GOLGA8A: variants seen among roughly 807,000 people sequenced by gnomAD.
The protein encoded by GOLGA8A is golgin subfamily A member 8A.
GOLGA8A carries 3 observed loss-of-function variants against 22.1 expected under a neutral mutation model. That is an observed-to-expected ratio of 0.14 (90% CI 0.06 to 0.35). GOLGA8A has a LOEUF of 0.35. Ranked by LOEUF, GOLGA8A falls within the 10% of genes least tolerant of loss-of-function variation. The pLI is 1.00. For synonymous variants in GOLGA8A, 7 were observed against 91.7 expected (o/e 0.08, Z 5.28); for missense variants, 16 against 233.2 (o/e 0.07, Z 6.07).
At chr15:34,417,834 C>G (rs1397559190) in intron 2 of GOLGA8A, 1 of 145,786 alleles carries the variant, frequency 6.9e-6, no homozygotes, top group Non-Finnish European at 1.5e-5. Context: ...TTTTTGCCCC[C>G]CATGGGATGT....
rs142598300 is a variant in GOLGA8A at position 34,380,185 on chromosome 15, A to T, written c.*1226T>A. 1.7e-3 allele frequency: 258 copies of T among 152,396 alleles called. 3 individuals are homozygous for T. Among genetic ancestry groups the T allele is most frequent in the African/African-American group, 5.9e-3 (245 of 41,596 alleles). 9.4% of individuals were successfully genotyped at this position (152,396 alleles called of 1,614,324 possible). ...AAAGTGTTTTCCACTCAAGGAAAAG[A>T]AGTAAATTCCTATGTCAGAGTAACC... On this transcript the variant is annotated 3_prime_UTR_variant, in exon 25 of 25. Transcript: ENST00000359187.
At chr15:34,432,885 A>G (rs200326479) in intron 2 of GOLGA8A, among the ~76,000 whole-genome samples, 1 of 149,020 alleles carries the variant, frequency 6.7e-6, no homozygotes, top group South Asian at 2.2e-4. Context: ...TCCCAGGACA[A>G]TAAGAGAAGC....
At chr15:34,421,398 A>G (rs1892792125) in intron 2 of GOLGA8A, among the ~76,000 whole-genome samples, 1 of 142,118 alleles carries the variant, frequency 7.0e-6, no homozygotes, top group Non-Finnish European at 1.5e-5. Context: ...TCTGCTCTGT[A>G]TAAAAGACTG....
chr15:34,437,431 C>G lies in GOLGA8A; in HGVS notation c.-1245G>C, dbSNP rs1893588415. The G allele has an allele frequency of 7.2e-6, 1 of 139,748 alleles. No homozygotes were observed. The highest frequency in any genetic ancestry group is 2.6e-5 in the African/African-American group (1 of 38,400). The allele number at this position is 139,748 out of a possible 1,614,324, so 8.7% of individuals were successfully genotyped here. ...GGCGCGGGGCTGCCCCGGTCCGCCG[C>G]CGTCCTCGCCGCGCCGCCGTCCTCG... On this transcript the variant is annotated 5_prime_UTR_variant, in exon 1 of 25. Transcript: ENST00000359187.
intron 12 of GOLGA8A, among the ~76,000 whole-genome samples, chr15:34,386,140 A>G (rs1418150137): frequency 1.4e-5 from 2 of 148,018 alleles, no homozygotes; most frequent in African/African-American, 5.3e-5. Flanking sequence ...CACAGCCGAT[A>G]TAGGATGGAA....
At position 34,437,443 on chromosome 15, in the gene GOLGA8A, C is replaced by G. The variant is rs1445615547; in HGVS notation, c.-1257G>C. 7.2e-6 allele frequency: 1 copy of G among 138,350 alleles called. No homozygotes were observed. Among genetic ancestry groups the G allele is most frequent in the Non-Finnish European group, 1.6e-5 (1 of 62,718 alleles). 8.6% of individuals were successfully genotyped at this position (138,350 alleles called of 1,614,324 possible). On this transcript the variant is annotated 5_prime_UTR_variant, in exon 1 of 25. Coordinates refer to ENST00000359187, the MANE Select transcript of GOLGA8A (RefSeq NM_181077.5). The stretch of plus-strand genomic sequence containing the variant: ...CCCCGGTCCGCCGCCGTCCTCGCCG[C>G]GCCGCCGTCCTCGCCGCGCCGCCGT...
intron 2 of GOLGA8A, among the ~76,000 whole-genome samples, chr15:34,434,691 C>G (rs1187130026): frequency 6.7e-6 from 1 of 149,274 alleles, no homozygotes; most frequent in Non-Finnish European, 1.5e-5. Context: ...ACAATGAGCA[C>G]CCCCAGCCCC....
intron 1 of GOLGA8A, among the ~76,000 whole-genome samples, chr15:34,436,166 G>C (rs1324327655): frequency 1.3e-5 from 2 of 149,242 alleles, no homozygotes; most frequent in East Asian, 3.9e-4. Flanking sequence ...AGAGGCCTGA[G>C]AAAAAGCCAC....
At chr15:34,423,514 C>T (rs1353644203) in intron 2 of GOLGA8A, among the ~76,000 whole-genome samples, 1 of 148,452 alleles carries the variant, frequency 6.7e-6, no homozygotes, top group Non-Finnish European at 1.5e-5. Flanking sequence ...ATAACAAAAT[C>T]TAACCTAGCA....
Position 34,437,728 on chromosome 15 carries a change from T to C in GOLGA8A, c.-1542A>G, listed in dbSNP as rs1374925528. Among the ~76,000 whole-genome samples, 2 of 143,478 alleles carry C rather than the reference T, an allele frequency of 1.4e-5. No individual in the cohort carries two copies. Among genetic ancestry groups the C allele is most frequent in the Admixed American group, 7.0e-5 (1 of 14,188 alleles). 94.1% of individuals were successfully genotyped at this position (143,478 alleles called of 152,430 possible). A position where few individuals can be genotyped will look rare whatever the true frequency, so the allele number is the denominator to read the frequency against. On this transcript the variant is annotated 5_prime_UTR_variant, in exon 1 of 25. Transcript: ENST00000359187. ...CCGTCCTCGCCGCGCCGCTGCCGGG[T>C]CTCTCCCGGGGGCTGAGCTCCCGCA...
At chr15:34,383,695 AG>A in intron 18 of GOLGA8A, 50 bp downstream of exon 18, 1 of 152,444 alleles carries the variant, frequency 6.6e-6, no homozygotes, top group Non-Finnish European at 1.1e-5. Flanking sequence ...ACCTATCTTA[AG>A]TTGTTGGTGG....
intron 2 of GOLGA8A, among the ~76,000 whole-genome samples, chr15:34,421,847 A>C (rs1195546029): frequency 7.3e-6 from 1 of 137,302 alleles, no homozygotes; most frequent in Non-Finnish European, 1.6e-5. Flanking sequence ...CTCTTCTCCC[A>C]CCAGGGCTGG....
At chr15:34,430,727 C>T (rs962041379) in intron 2 of GOLGA8A, among the ~76,000 whole-genome samples, 1 of 149,796 alleles carries the variant, frequency 6.7e-6, no homozygotes, top group Admixed American at 6.7e-5. Context: ...AGAACAGTTG[C>T]ACACATCTCA....
intron 2 of GOLGA8A, among the ~76,000 whole-genome samples, chr15:34,431,846 T>C (rs919447117): frequency 4.0e-5 from 6 of 149,068 alleles, no homozygotes; most frequent in East Asian, 3.9e-4. Context: ...TTTACCACAA[T>C]GTCACTAGGC....
rs1408934417 is a variant in GOLGA8A, at chr15:34,380,899, T to C, written c.*512A>G. The C allele has an allele frequency of 3.1e-5, 7 of 225,198 alleles. No homozygotes were observed. The highest frequency in any genetic ancestry group is 6.2e-5 in the Non-Finnish European group (7 of 113,326). The allele number at this position is 225,198 out of a possible 1,614,324, so 13.9% of individuals were successfully genotyped here. A position where few individuals can be genotyped will look rare whatever the true frequency, so the allele number is the denominator to read the frequency against. Reference sequence around the variant, plus strand: ...CTAAATGTCAGTACTCACAGTGGCATATTACAAAGTAATAAACAGTGCACA... The same window carrying C: ...CTAAATGTCAGTACTCACAGTGGCACATTACAAAGTAATAAACAGTGCACA... On this transcript the variant is annotated 3_prime_UTR_variant, in exon 25 of 25. Transcript: ENST00000359187.
intron 1 of GOLGA8A, among the ~76,000 whole-genome samples, chr15:34,435,691 C>G (rs1893471896): frequency 6.7e-6 from 1 of 148,706 alleles, no homozygotes. Context: ...TCTCCCAGCC[C>G]AAGAGCCAGA....
intron 2 of GOLGA8A, among the ~76,000 whole-genome samples, chr15:34,432,931 G>C (rs533608001): frequency 6.7e-6 from 1 of 148,622 alleles, no homozygotes; most frequent in East Asian, 2.0e-4. Flanking sequence ...AAAATATCTC[G>C]CATCAGTTCA....
At chr15:34,430,539 G>C (rs1397098979) in intron 2 of GOLGA8A, among the ~76,000 whole-genome samples, 2 of 149,072 alleles carry the variant, frequency 1.3e-5, no homozygotes, top group African/African-American at 5.0e-5. Flanking sequence ...GGGAAGTGCA[G>C]GGACCTGTGG....
Position 34,424,471 on chromosome 15 carries a change from CAG to C in GOLGA8A, c.-1123+10910_-1123+10911del, listed in dbSNP as rs1036773151. Among the ~76,000 whole-genome samples the C allele has an allele frequency of 2.1e-5, 3 of 145,056 alleles. 1 individual carries two copies. Among genetic ancestry groups the C allele is most frequent in the African/African-American group, 7.5e-5 (3 of 39,874 alleles). ...AAGAATGACAAACCATTTACATCAC[CAG>C]AGAGACTGAAGCAAGGTGGGCAGGC... On this transcript the variant is annotated intron_variant, in intron 2 of 24. Transcript: ENST00000359187.
Sources: allele counts gnomAD v4.1 joint callset (sites outside exome capture counted in the v4.1 genomes callset), GRCh38; gene constraint gnomAD v4.1.1; transcripts MANE v1.5; gene names NCBI Gene and HGNC (gene_info 2026-07-23, HGNC 2026-07-21).